RASAL2: variants seen among roughly 807,000 people sequenced by gnomAD.
The protein encoded by RASAL2 is RAS protein activator like 2.
In RASAL2, 58 loss-of-function variants were observed where a neutral mutation model predicts 128.9. The ratio of observed to expected loss-of-function variants is 0.45; its 90% CI spans 0.36 to 0.56. The LOEUF is 0.56. Among genes scored for constraint, RASAL2 ranks in the 20% least tolerant of loss-of-function variants. The pLI is 0.00. For synonymous variants in RASAL2, 561 were observed against 580.8 expected (o/e 0.97, Z 0.49); for missense variants, 1,360 against 1,601.6 (o/e 0.85, Z 2.57).
intron 17 of RASAL2, among the ~76,000 whole-genome samples, chr1:178,471,567 A>C (rs1232764574): frequency 6.6e-6 from 1 of 152,146 alleles, no homozygotes; most frequent in East Asian, 1.9e-4. Flanking sequence ...CAGGGAAAGA[A>C]GGATTTTTTT....
intron 1 of RASAL2, among the ~76,000 whole-genome samples, chr1:178,269,757 G>A (rs1666157988): frequency 1.3e-5 from 2 of 152,130 alleles, no homozygotes; most frequent in South Asian, 4.1e-4. Flanking sequence ...CCATAAAAAT[G>A]GGCAACCAGC....
chr1:178,176,528 G>C (rs1408163005), intron 1 of RASAL2, among the ~76,000 whole-genome samples: 2 of 151,886 alleles, frequency 1.3e-5, no homozygotes, highest in East Asian at 3.9e-4. Context: ...CTTAGACGCA[G>C]CCTCAGAATC....
intron 1 of RASAL2, among the ~76,000 whole-genome samples, chr1:178,263,497 T>C (rs1255888927): frequency 6.6e-6 from 1 of 152,222 alleles, no homozygotes; most frequent in African/African-American, 2.4e-5. Context: ...AAGTCTGTGC[T>C]CTTAACCACT....
chr1:178,197,111 A>T (rs1662682435), intron 1 of RASAL2, among the ~76,000 whole-genome samples: 1 of 152,140 alleles, frequency 6.6e-6, no homozygotes, highest in African/African-American at 2.4e-5. Context: ...TTCAGGAGTT[A>T]AAGACCAGCC....
chr1:178,364,793 A>G (rs1338618031), intron 3 of RASAL2, among the ~76,000 whole-genome samples: 1 of 152,206 alleles, frequency 6.6e-6, no homozygotes, highest in Non-Finnish European at 1.5e-5. Context: ...AAAATGTAAA[A>G]TATAACTTTA....
chr1:178,256,896 A>G (rs1218338242), intron 1 of RASAL2, among the ~76,000 whole-genome samples: 1 of 151,706 alleles, frequency 6.6e-6, no homozygotes, highest in Non-Finnish European at 1.5e-5. Flanking sequence ...CTGGTCTCAA[A>G]CTCCTGATCT....
At chr1:178,138,372 C>T (rs1413440449) in intron 1 of RASAL2, among the ~76,000 whole-genome samples, 1 of 151,940 alleles carries the variant, frequency 6.6e-6, no homozygotes, top group Non-Finnish European at 1.5e-5. Flanking sequence ...TCTTTTATAC[C>T]ACATATTAAT....
chr1:178,368,669 A>T (rs145383655), intron 3 of RASAL2, among the ~76,000 whole-genome samples: 133 of 150,402 alleles, frequency 8.8e-4, no homozygotes, highest in African/African-American at 3.1e-3. Context: ...ACAGGGTCTC[A>T]CTCCGTCACC....
chr1:178,118,182 A>G (rs890759598), intron 1 of RASAL2, among the ~76,000 whole-genome samples: 1 of 151,304 alleles, frequency 6.6e-6, no homozygotes, highest in Non-Finnish European at 1.5e-5. Context: ...AAAAAGATAT[A>G]TATATATTTC....
At chr1:178,411,976 C>G in intron 4 of RASAL2, 1 of 570,562 alleles carries the variant, frequency 1.8e-6, no homozygotes, top group Non-Finnish European at 3.2e-6. Flanking sequence ...CTCTTGACGG[C>G]ACCCACAGGA....
intron 4 of RASAL2, chr1:178,411,954 AC>A (rs140103044): frequency 0.14 from 83,335 of 602,776 alleles, 10,936 homozygotes; most frequent in African/African-American, 0.53. Flanking sequence ...TGAGGACATC[AC>A]CCCCCATCCC....
At chr1:178,230,656 G>A (rs1361716362) in intron 1 of RASAL2, among the ~76,000 whole-genome samples, 4 of 152,204 alleles carry the variant, frequency 2.6e-5, no homozygotes, top group African/African-American at 9.6e-5. Flanking sequence ...GCATAAGGCA[G>A]AAGAGGAGAT....
Position 178,456,777 on chromosome 1 carries a change from A to G in RASAL2, c.2268A>G (p.Ser756=). Residue 756 remains serine, a synonymous_variant, in exon 13 of 18, where the codon TCA becomes TCG. Coordinates refer to ENST00000367649, the MANE Select transcript of RASAL2 (RefSeq NM_170692.4). ...GTGTTCTTGCTGATATTACCAAGTC[A>G]TTGACTAATCCTACGCCAATACAAC... ...LPRVLADITK[S]LTNPTPIQQQ... The G allele has an allele frequency of 6.2e-7, 1 of 1,614,142 alleles. No homozygotes were observed. The highest frequency in any genetic ancestry group is 8.5e-7 in the Non-Finnish European group (1 of 1,180,030).
chr1:178,380,390 TCAAC>T (rs2102558842), intron 3 of RASAL2, among the ~76,000 whole-genome samples: 2 of 152,250 alleles, frequency 1.3e-5, no homozygotes, highest in South Asian at 4.2e-4. Flanking sequence ...GGTCCTAAAC[TCAAC>T]CAGTTGGTTG....
At chr1:178,404,524 G>A (rs1673866590) in intron 4 of RASAL2, among the ~76,000 whole-genome samples, 1 of 151,808 alleles carries the variant, frequency 6.6e-6, no homozygotes, top group African/African-American at 2.4e-5. Flanking sequence ...GGGACTACAA[G>A]CCCGTACCAC....
chr1:178,308,986 T>C (rs1222009995), intron 3 of RASAL2, among the ~76,000 whole-genome samples: 1 of 152,174 alleles, frequency 6.6e-6, no homozygotes, highest in African/African-American at 2.4e-5. Flanking sequence ...GATTTAATAT[T>C]ATAAGAGATA....
chr1:178,187,631 A>G (rs749659323), intron 1 of RASAL2, among the ~76,000 whole-genome samples: 1 of 152,136 alleles, frequency 6.6e-6, no homozygotes, highest in African/African-American at 2.4e-5. Context: ...CTTGGGAAAC[A>G]ATTTTTACAT....
At position 178,094,400 on chromosome 1, in the gene RASAL2, C is replaced by T. The variant is rs1658586921; in HGVS notation, c.-93C>T. ...CTCGGGTCCCTGCCCTCGCTGCGCG[C>T]TCTCCTCCTCCCCTTACCGCAGGCA... On this transcript the variant is annotated 5_prime_UTR_variant, in exon 1 of 18. Coordinates refer to ENST00000367649, the MANE Select transcript of RASAL2 (RefSeq NM_170692.4). The T allele has an allele frequency of 8.1e-7, 1 of 1,227,660 alleles. No individual in the cohort carries two copies. Among genetic ancestry groups the T allele is most frequent in the Admixed American group, 3.1e-5 (1 of 32,764 alleles). The allele number at this position is 1,227,660 out of a possible 1,614,324, so 76.0% of individuals were successfully genotyped here.
chr1:178,241,885 A>G (rs1266570191), intron 1 of RASAL2, among the ~76,000 whole-genome samples: 3 of 152,178 alleles, frequency 2.0e-5, no homozygotes, highest in African/African-American at 4.8e-5. Flanking sequence ...AGCTTTTTCA[A>G]TCTGAAGGCT....
Sources: allele counts gnomAD v4.1 joint callset (sites outside exome capture counted in the v4.1 genomes callset), GRCh38; gene constraint gnomAD v4.1.1; transcripts MANE v1.5; gene names NCBI Gene and HGNC (gene_info 2026-07-23, HGNC 2026-07-21).